The following NRAP variants were observed in gnomAD, a reference collection of about 807,000 sequenced individuals.
NRAP encodes the protein nebulin related anchoring protein, also known as nebulin-related-anchoring protein.
In NRAP, 189 loss-of-function variants were observed where a neutral mutation model predicts 225.9. The observed-to-expected ratio is 0.84, with a 90% CI of 0.74 to 0.94. The LOEUF is 0.94. Among genes scored for constraint, NRAP ranks in the 40% least tolerant of loss-of-function variants. NRAP has a pLI of 0.00. For missense variants in NRAP, 2,176 were observed against 2,168.7 expected (o/e 1.00, Z -0.07); for synonymous variants, 769 against 790.7 (o/e 0.97, Z 0.46).
intron 13 of NRAP, 37 bp downstream of exon 13, chr10:113,641,328 A>C (rs368743678): frequency 7.9e-7 from 1 of 1,267,014 alleles, no homozygotes; most frequent in East Asian, 2.3e-5. Context: ...GCCCTGCCCC[A>C]CTCCATCCCA....
At position 113,641,455 on chromosome 10, in the gene NRAP, G is replaced by C; in HGVS notation, c.1233C>G (p.Asn411Lys). 1 of 1,611,502 alleles carries C rather than the reference G, an allele frequency of 6.2e-7. No individual in the cohort carries two copies. Among genetic ancestry groups the C allele is most frequent in the Non-Finnish European group, 8.5e-7 (1 of 1,177,786 alleles). Reference sequence around the variant, plus strand: ...AGCGGCCTCTCATGTGGTTCTGGTAGTTTTCTTTATATTTATTCTACATGG... The same window carrying C: ...AGCGGCCTCTCATGTGGTTCTGGTACTTTTCTTTATATTTATTCTACATGG... ...KFTSDNKYKE[N>K]YQNHMRGRYE... Residue 411 changes from asparagine (N) to lysine (K), a missense_variant, in exon 13 of 42, where the codon AAC becomes AAG. Asn to Lys is a moderately conservative substitution (Grantham distance 94). Coordinates refer to ENST00000359988, the MANE Select transcript of NRAP (RefSeq NM_198060.4).
chr10:113,637,056 A>G (rs1366664047), intron 14 of NRAP, among the ~76,000 whole-genome samples: 15 of 151,906 alleles, frequency 9.9e-5, no homozygotes, highest in Non-Finnish European at 1.8e-4. Context: ...AAATAGGTCT[A>G]ATAGCCACTT....
chr10:113,632,519 C>T (rs1272420357), intron 16 of NRAP, among the ~76,000 whole-genome samples: 2 of 151,320 alleles, frequency 1.3e-5, no homozygotes, highest in Admixed American at 1.3e-4. Context: ...AATGGCAATG[C>T]CAGCTTCTGA....
intron 31 of NRAP, among the ~76,000 whole-genome samples, chr10:113,609,637 T>A (rs1310760950): frequency 6.6e-6 from 1 of 152,142 alleles, no homozygotes; most frequent in East Asian, 1.9e-4. Flanking sequence ...AAAAGCACAG[T>A]GCTTAGATTA....
At chr10:113,606,318 G>A in intron 32 of NRAP, 36 bp from the exon 33 acceptor site, 1 of 1,304,868 alleles carries the variant, frequency 7.7e-7, no homozygotes, top group Non-Finnish European at 1.1e-6. Context: ...TAATGCAAGA[G>A]ATAAGTGCTG....
intron 12 of NRAP, 113 bp downstream of exon 12, chr10:113,642,821 G>A (rs548615243): frequency 4.7e-6 from 3 of 642,802 alleles, no homozygotes; most frequent in Non-Finnish European, 8.5e-6. Context: ...TGCCTAAAAG[G>A]CCATGCTTCT....
At chr10:113,623,336 T>C (rs749414061) in intron 23 of NRAP, among the ~76,000 whole-genome samples, 193 bp downstream of exon 23, 1 of 152,220 alleles carries the variant, frequency 6.6e-6, no homozygotes, top group Non-Finnish European at 1.5e-5. Flanking sequence ...AATCAGTGTG[T>C]GGCAAGCAGT....
At chr10:113,629,557 C>A (rs1307887355) in intron 19 of NRAP, 31 bp downstream of exon 19, 4 of 1,455,026 alleles carry the variant, frequency 2.7e-6, no homozygotes, top group Admixed American at 3.4e-5. Context: ...GCAAGAGATG[C>A]ATGAAGAGAA....
In NRAP at chr10:113,588,920, G is replaced by A; in HGVS notation, c.*55C>T. The A allele has an allele frequency of 5.7e-6, 8 of 1,412,646 alleles. No homozygotes were observed. Among genetic ancestry groups the A allele is most frequent in the African/African-American group, 1.4e-5 (1 of 71,146 alleles). 87.5% of individuals were successfully genotyped at this position (1,412,646 alleles called of 1,614,324 possible). A position where few individuals can be genotyped will look rare whatever the true frequency, so the allele number is the denominator to read the frequency against. On this transcript the variant is annotated 3_prime_UTR_variant, in exon 42 of 42. Coordinates refer to ENST00000359988, the MANE Select transcript of NRAP (RefSeq NM_198060.4). ...CCGAAATCAAAGCCATCTGAAGCCT[G>A]TCTCTGGTGAACAAACTTCCTCTCT...
At chr10:113,625,952 T>C in intron 21 of NRAP, 95 bp downstream of exon 21, 1 of 764,504 alleles carries the variant, frequency 1.3e-6, no homozygotes, top group South Asian at 1.9e-5. Flanking sequence ...CTTTGGTTTC[T>C]GGATTGTGCC....
chr10:113,611,417 A>G (rs1847316466), intron 30 of NRAP, among the ~76,000 whole-genome samples: 1 of 152,194 alleles, frequency 6.6e-6, no homozygotes, highest in Non-Finnish European at 1.5e-5. Flanking sequence ...CATTACCTGC[A>G]AATCTCATAG....
At chr10:113,630,995 A>C (rs1848543302) in intron 18 of NRAP, among the ~76,000 whole-genome samples, 1 of 152,128 alleles carries the variant, frequency 6.6e-6, no homozygotes, top group African/African-American at 2.4e-5. Context: ...GACATTTACC[A>C]AGGTTCCTCT....
chr10:113,660,991 T>C (rs1290947003), intron 3 of NRAP, among the ~76,000 whole-genome samples: 2 of 152,106 alleles, frequency 1.3e-5, no homozygotes, highest in Non-Finnish European at 2.9e-5. Context: ...CATGAGATAA[T>C]ATAAAGAACT....
At chr10:113,595,487 G>C (rs1311892891) in intron 38 of NRAP, 136 bp downstream of exon 38, 5 of 603,886 alleles carry the variant, frequency 8.3e-6, no homozygotes, top group Admixed American at 6.0e-5. Flanking sequence ...CACACAAACA[G>C]TTTCTCAGTT....
rs1047451523 is a variant in NRAP, at chr10:113,647,559, C to T, written c.889-532G>A. 2.7e-4 allele frequency among the ~76,000 whole-genome samples: 35 copies of T among 131,212 alleles called. 1 individual carries two copies. Among genetic ancestry groups the T allele is most frequent in the Admixed American group, 3.0e-4 (4 of 13,122 alleles). The allele number at this position is 131,212 out of a possible 152,430, so 86.1% of individuals were successfully genotyped here. On this transcript the variant is annotated intron_variant, in intron 9 of 41. Coordinates refer to ENST00000359988, the MANE Select transcript of NRAP (RefSeq NM_198060.4). ...TCTCCCCCGGTGGTACTGTCTCCCC[C>T]AGTGGTACTGCCTCCCCTGGTGGTA...
intron 12 of NRAP, among the ~76,000 whole-genome samples, chr10:113,642,714 G>T (rs938534525): frequency 6.6e-6 from 1 of 152,158 alleles, no homozygotes; most frequent in Non-Finnish European, 1.5e-5. Flanking sequence ...GACAGGTCCC[G>T]CCCAGAGGAC....
chr10:113,618,040 G>C (rs1227640391), intron 25 of NRAP, among the ~76,000 whole-genome samples: 7 of 151,576 alleles, frequency 4.6e-5, no homozygotes, highest in Non-Finnish European at 1.0e-4. Context: ...AGTCACATTA[G>C]AGCCTAGTTC....
chr10:113,663,485 T>C lies in NRAP; in HGVS notation c.73-39A>G, dbSNP rs778555508. ...AGAGAAGATTTAGCAATTACCCTTT[T>C]CCCCCCAGACTCAAGGTTCTTATAT... On this transcript the variant is annotated intron_variant, in intron 1 of 41. Coordinates refer to ENST00000359988, the MANE Select transcript of NRAP (RefSeq NM_198060.4). 2.1e-5 allele frequency: 26 copies of C among 1,239,786 alleles called. No individual in the cohort carries two copies. The East Asian group carries it at 2.1e-4, about 10-fold the overall frequency. 76.8% of individuals were successfully genotyped at this position (1,239,786 alleles called of 1,614,324 possible). A position where few individuals can be genotyped will look rare whatever the true frequency, so the allele number is the denominator to read the frequency against.
chr10:113,646,594 A>G (rs1465311465), intron 10 of NRAP, among the ~76,000 whole-genome samples: 1 of 152,180 alleles, frequency 6.6e-6, no homozygotes, highest in Non-Finnish European at 1.5e-5. Context: ...TAATCATATG[A>G]CTTATTTTAA....
Sources: allele counts gnomAD v4.1 joint callset (sites outside exome capture counted in the v4.1 genomes callset), GRCh38; gene constraint gnomAD v4.1.1; transcripts MANE v1.5; gene names NCBI Gene and HGNC (gene_info 2026-07-23, HGNC 2026-07-21).